ELMO1: variants seen among roughly 807,000 people sequenced by gnomAD.
ELMO1 encodes engulfment and cell motility 1.
A neutral mutation model predicts 98.9 loss-of-function variants in ELMO1; 26 were observed. The observed-to-expected ratio is 0.26, with a 90% CI of 0.19 to 0.36. ELMO1 has a LOEUF of 0.36. ELMO1 is among the 10% of genes least tolerant of loss of function. The pLI is 1.00. For missense variants in ELMO1, 627 were observed against 935.2 expected, an observed-to-expected ratio of 0.67 and a Z score of 4.30; for synonymous variants, 346 against 346.0, an observed-to-expected ratio of 1.00 and a Z score of 0.00.
chr7:37,077,494 G>C (rs902890846), intron 15 of ELMO1, among the ~76,000 whole-genome samples: 9 of 152,200 alleles, frequency 5.9e-5, no homozygotes, highest in Non-Finnish European at 1.0e-4. Context: ...TTTTAGACAG[G>C]TCTGACAATG....
chr7:37,430,956 C>T (rs1400530784), intron 1 of ELMO1, among the ~76,000 whole-genome samples: 3 of 152,192 alleles, frequency 2.0e-5, no homozygotes, highest in Non-Finnish European at 2.9e-5. Flanking sequence ...TGGGACCAAG[C>T]CTCGCAACAG....
At chr7:37,268,858 C>T (rs1208323499) in intron 5 of ELMO1, among the ~76,000 whole-genome samples, 1 of 152,200 alleles carries the variant, frequency 6.6e-6, no homozygotes, top group African/African-American at 2.4e-5. Context: ...ATTCATCAAT[C>T]AACAAAAAGA....
chr7:36,874,120 G>A (rs974078667), intron 19 of ELMO1, among the ~76,000 whole-genome samples: 3 of 152,212 alleles, frequency 2.0e-5, no homozygotes, highest in Non-Finnish European at 4.4e-5. Context: ...TCCACCAACC[G>A]CCTCTACTAC....
intron 14 of ELMO1, among the ~76,000 whole-genome samples, chr7:37,118,486 C>T (rs910555753): frequency 6.6e-6 from 1 of 152,130 alleles, no homozygotes; most frequent in Non-Finnish European, 1.5e-5. Context: ...AACACCCAAC[C>T]AAAGATGAAA....
chr7:37,163,654 C>T (rs1377095327), intron 13 of ELMO1, among the ~76,000 whole-genome samples: 2 of 152,112 alleles, frequency 1.3e-5, no homozygotes, highest in Non-Finnish European at 2.9e-5. Flanking sequence ...CATCCATGTC[C>T]CTACAAAGGA....
chr7:37,086,759 A>AAAG (rs1554407996), intron 15 of ELMO1, among the ~76,000 whole-genome samples: 1,793 of 127,904 alleles, frequency 0.014, 57 homozygotes, highest in African/African-American at 0.047. Context: ...AAAAAAAAAA[A>AAAG]AAAAAAGAAA....
intron 2 of ELMO1, among the ~76,000 whole-genome samples, chr7:37,336,813 T>C (rs1436719896): frequency 1.3e-5 from 2 of 152,030 alleles, no homozygotes; most frequent in Admixed American, 6.6e-5. Flanking sequence ...TGGAACAACA[T>C]AGATGGCATA....
intron 14 of ELMO1, among the ~76,000 whole-genome samples, chr7:37,100,628 C>A (rs1313521142): frequency 6.6e-6 from 1 of 152,252 alleles, no homozygotes; most frequent in Non-Finnish European, 1.5e-5. Context: ...CCTCCTGCAG[C>A]CAGCCCTTGA....
intron 20 of ELMO1, 68 bp from the exon 21 acceptor site, chr7:36,861,804 G>A (rs1802652999): frequency 6.9e-7 from 1 of 1,459,404 alleles, no homozygotes; most frequent in Non-Finnish European, 9.6e-7. Flanking sequence ...GTTGCAAATG[G>A]CTGCACATTG....
At chr7:37,162,727 G>A (rs1789310306) in intron 13 of ELMO1, among the ~76,000 whole-genome samples, 1 of 152,160 alleles carries the variant, frequency 6.6e-6, no homozygotes, top group African/African-American at 2.4e-5. Flanking sequence ...AAATAAGGCT[G>A]ATCCAAAGAG....
intron 18 of ELMO1, among the ~76,000 whole-genome samples, chr7:36,884,253 G>A (rs1312850646): frequency 6.6e-6 from 1 of 150,826 alleles, no homozygotes; most frequent in South Asian, 2.1e-4. Flanking sequence ...GGAGGCAGAG[G>A]TTGCACTGAG....
At chr7:37,346,499 G>GCAAACAATCTGTA (rs1312776703) in intron 1 of ELMO1, among the ~76,000 whole-genome samples, 2 of 152,188 alleles carry the variant, frequency 1.3e-5, no homozygotes, top group African/African-American at 2.4e-5. Flanking sequence ...GCAAATGCAA[G>GCAAACAATCTGTA]CAAACAATCT....
intron 6 of ELMO1, among the ~76,000 whole-genome samples, chr7:37,254,789 G>A (rs1410014638): frequency 4.6e-5 from 7 of 152,212 alleles, no homozygotes; most frequent in Non-Finnish European, 8.8e-5. Flanking sequence ...AGATATTAAT[G>A]AGTGTGATAC....
intron 15 of ELMO1, among the ~76,000 whole-genome samples, chr7:37,022,168 T>C (rs959725331): frequency 2.0e-5 from 3 of 152,204 alleles, no homozygotes; most frequent in African/African-American, 7.2e-5. Flanking sequence ...CATGTAAGAA[T>C]ATATTCATGA....
chr7:36,913,550 A>T (rs1784480059), intron 16 of ELMO1, among the ~76,000 whole-genome samples: 2 of 152,226 alleles, frequency 1.3e-5, no homozygotes, highest in African/African-American at 4.8e-5. Context: ...CTGTCCTTAC[A>T]GTAGAATCTT....
intron 4 of ELMO1, among the ~76,000 whole-genome samples, chr7:37,273,227 T>G (rs1435451543): frequency 6.6e-6 from 1 of 152,210 alleles, no homozygotes; most frequent in East Asian, 1.9e-4. Flanking sequence ...TGGTTTGGCT[T>G]TGTGTCCCCA....
intron 15 of ELMO1, among the ~76,000 whole-genome samples, chr7:37,053,969 G>T (rs1796259313): frequency 6.6e-6 from 1 of 151,980 alleles, no homozygotes; most frequent in African/African-American, 2.4e-5. Flanking sequence ...TCTTGGTTTG[G>T]GGTATCCTAA....
intron 13 of ELMO1, among the ~76,000 whole-genome samples, chr7:37,208,677 G>C (rs757677699): frequency 1.3e-5 from 2 of 152,102 alleles, no homozygotes; most frequent in Non-Finnish European, 2.9e-5. Context: ...ATGACCATGC[G>C]GTTCTGTTTA....
At chr7:37,393,717 C>T (rs941475050) in intron 1 of ELMO1, 1 of 152,180 alleles carries the variant, frequency 6.6e-6, no homozygotes, top group Non-Finnish European at 1.5e-5. Context: ...TGCTATCAAG[C>T]GGTGCCTGGT....
Sources: allele counts gnomAD v4.1 joint callset (sites outside exome capture counted in the v4.1 genomes callset), GRCh38; gene constraint gnomAD v4.1.1; transcripts MANE v1.5; gene names NCBI Gene and HGNC (gene_info 2026-07-23, HGNC 2026-07-21).